Variants in SNX29 observed in about 807,000 individuals in gnomAD.
SNX29 encodes sorting nexin-29.
Under a neutral mutation model 102.1 loss-of-function variants are expected in SNX29, and 78 were observed. That is an observed-to-expected ratio of 0.76 (90% CI 0.64 to 0.92). SNX29 has a LOEUF of 0.92. Ranked by LOEUF, SNX29 falls within the 40% of genes least tolerant of loss-of-function variation. The pLI is 0.00. For synonymous variants in SNX29, 580 were observed against 414.5 expected (o/e 1.40, Z -4.85); for missense variants, 1,280 against 1,061.7 (o/e 1.21, Z -2.86).
At chr16:12,410,886 C>G (rs865970202) in intron 18 of SNX29, among the ~76,000 whole-genome samples, 5 of 152,352 alleles carry the variant, frequency 3.3e-5, no homozygotes, top group Middle Eastern at 3.4e-3. Context: ...TTTTGGACTT[C>G]AGGCTTTGCG....
At chr16:12,561,083 T>G (rs1360836712) in intron 20 of SNX29, 1 of 225,082 alleles carries the variant, frequency 4.4e-6, no homozygotes, top group Admixed American at 5.7e-5. Context: ...GATGTCAGCA[T>G]AGTTCACAGT....
At chr16:12,194,690 G>A (rs2076726721) in intron 13 of SNX29, among the ~76,000 whole-genome samples, 1 of 147,390 alleles carries the variant, frequency 6.8e-6, no homozygotes, top group South Asian at 2.3e-4. Context: ...GCAGTGGTGT[G>A]ATCTTGGCTC....
intron 20 of SNX29, among the ~76,000 whole-genome samples, chr16:12,560,416 T>C (rs1208077547): frequency 6.6e-6 from 1 of 152,204 alleles, no homozygotes; most frequent in African/African-American, 2.4e-5. Context: ...CCACAGTGTC[T>C]GTCCTGTAGG....
chr16:12,102,928 A>G (rs968639341), intron 11 of SNX29, among the ~76,000 whole-genome samples: 1 of 152,210 alleles, frequency 6.6e-6, no homozygotes, highest in African/African-American at 2.4e-5. Context: ...TAGAGAGCCA[A>G]ATCACGAGTG....
chr16:12,192,304 G>A (rs565824362), intron 13 of SNX29, among the ~76,000 whole-genome samples: 1 of 152,322 alleles, frequency 6.6e-6, no homozygotes, highest in Admixed American at 6.5e-5. Context: ...GAGTTGGCAA[G>A]GCTTTCTAGA....
chr16:12,114,518 G>A (rs536629641), intron 11 of SNX29, among the ~76,000 whole-genome samples: 4 of 152,214 alleles, frequency 2.6e-5, no homozygotes, highest in African/African-American at 9.6e-5. Flanking sequence ...TGTGGTTATG[G>A]GTTCCAGTGT....
chr16:12,530,294 C>T (rs1032024946), intron 20 of SNX29, among the ~76,000 whole-genome samples: 2 of 152,180 alleles, frequency 1.3e-5, no homozygotes, highest in Non-Finnish European at 2.9e-5. Context: ...ATGTGTGTCA[C>T]TGTTTGTACC....
intron 15 of SNX29, among the ~76,000 whole-genome samples, chr16:12,286,094 C>A (rs140277671): frequency 1.3e-5 from 2 of 151,882 alleles, no homozygotes; most frequent in African/African-American, 2.4e-5. Flanking sequence ...CCTCCCACCT[C>A]GGCCTCCCAA....
chr16:12,529,909 C>G (rs753612117), intron 20 of SNX29, among the ~76,000 whole-genome samples: 3 of 152,160 alleles, frequency 2.0e-5, no homozygotes, highest in East Asian at 1.9e-4. Flanking sequence ...CCAGAACCTT[C>G]CAGACTCCAA....
At chr16:12,454,207 C>T (rs2086431908) in intron 18 of SNX29, among the ~76,000 whole-genome samples, 1 of 152,186 alleles carries the variant, frequency 6.6e-6, no homozygotes, top group African/African-American at 2.4e-5. Flanking sequence ...GGAACTCCAG[C>T]AGCCGCCTTG....
chr16:12,554,808 T>C (rs964261947), intron 20 of SNX29, among the ~76,000 whole-genome samples: 2 of 152,142 alleles, frequency 1.3e-5, no homozygotes, highest in African/African-American at 4.8e-5. Context: ...TAGAAATTTG[T>C]ATTGAGCACC....
chr16:12,255,091 T>A (rs1368114253), intron 14 of SNX29, among the ~76,000 whole-genome samples: 2 of 152,242 alleles, frequency 1.3e-5, no homozygotes, highest in African/African-American at 4.8e-5. Context: ...CGTTGTGAAA[T>A]GATTAAATCA....
chr16:12,164,340 A>C (rs1229937455), intron 13 of SNX29, among the ~76,000 whole-genome samples: 2 of 152,168 alleles, frequency 1.3e-5, no homozygotes, highest in African/African-American at 2.4e-5. Flanking sequence ...TTAATAGAGT[A>C]CTAGTTATGC....
intron 11 of SNX29, among the ~76,000 whole-genome samples, chr16:12,107,943 CT>C (rs901091530): frequency 1.4e-4 from 21 of 147,080 alleles, no homozygotes; most frequent in African/African-American, 2.2e-4. Context: ...AGGCTGTGAG[CT>C]TTTTTTTTTA....
chr16:12,547,400 C>T (rs937569736), intron 20 of SNX29, among the ~76,000 whole-genome samples: 4 of 152,106 alleles, frequency 2.6e-5, no homozygotes. Context: ...GGTGATAGAA[C>T]AGGTAGTTAG....
rs373613429 is a variant in SNX29 at position 12,571,671 on chromosome 16, CAG to C, written c.*3045_*3046del. 75 of 1,059,454 alleles carry C rather than the reference CAG, an allele frequency of 7.1e-5. No homozygotes were observed. In the East Asian group the frequency reaches 3.0e-3, roughly 43 times the overall value. The allele number at this position is 1,059,454 out of a possible 1,614,324, so 65.6% of individuals were successfully genotyped here. A position where few individuals can be genotyped will look rare whatever the true frequency, so the allele number is the denominator to read the frequency against. Reference sequence around the variant, plus strand: ...ACGACTCAGGAACGGTAGGGCTGGGCAGAGGTGTCTCTCCTTGAGAGACAACA... The same window carrying C: ...ACGACTCAGGAACGGTAGGGCTGGGCAGGTGTCTCTCCTTGAGAGACAACA... On this transcript the variant is annotated 3_prime_UTR_variant, in exon 21 of 21. Coordinates refer to ENST00000566228, the MANE Select transcript of SNX29 (RefSeq NM_032167.5).
chr16:12,049,015 G>A (rs1216077822), intron 7 of SNX29, among the ~76,000 whole-genome samples: 2 of 152,156 alleles, frequency 1.3e-5, no homozygotes, highest in East Asian at 1.9e-4. Context: ...GATGGGTGTG[G>A]GTGGGTAGTT....
chr16:12,064,867 A>G (rs550166992), intron 9 of SNX29, among the ~76,000 whole-genome samples: 2 of 152,318 alleles, frequency 1.3e-5, no homozygotes, highest in East Asian at 3.9e-4. Flanking sequence ...CCTTAGAGAT[A>G]TTCTGACATT....
intron 14 of SNX29, among the ~76,000 whole-genome samples, chr16:12,236,320 A>T (rs763790396): frequency 6.6e-6 from 1 of 152,166 alleles, no homozygotes. Context: ...TGAGGAGGGC[A>T]TGGGGCAGGG....
Sources: allele counts gnomAD v4.1 joint callset (sites outside exome capture counted in the v4.1 genomes callset), GRCh38; gene constraint gnomAD v4.1.1; transcripts MANE v1.5; gene names NCBI Gene and HGNC (gene_info 2026-07-23, HGNC 2026-07-21).